Variants in COL2A1 observed in about 807,000 individuals in gnomAD.
COL2A1 encodes collagen alpha-1(II) chain.
COL2A1 carries 28 observed loss-of-function variants against 204.5 expected under a neutral mutation model. That is an observed-to-expected ratio of 0.14 (90% CI 0.10 to 0.19). The LOEUF (loss-of-function observed/expected upper bound fraction) is 0.19. COL2A1 is among the 10% of genes least tolerant of loss of function. COL2A1 has a pLI of 1.00. For missense variants in COL2A1, 1,388 were observed against 2,027.5 expected, an observed-to-expected ratio of 0.68 and a Z score of 6.06; for synonymous variants, 708 against 718.7, an observed-to-expected ratio of 0.99 and a Z score of 0.24.
At chr12:47,995,843 C>T (rs906636059) in intron 9 of COL2A1, 32 bp downstream of exon 9, 28 of 1,609,950 alleles carry the variant, frequency 1.7e-5, no homozygotes, top group Middle Eastern at 1.6e-4. Context: ...ATCTGCGACA[C>T]GATGGAGGCA....
chr12:47,991,045 T>C (rs1455214500), intron 16 of COL2A1, among the ~76,000 whole-genome samples: 1 of 152,248 alleles, frequency 6.6e-6, no homozygotes, highest in Non-Finnish European at 1.5e-5. Context: ...ACGGAGACTC[T>C]CCAGATTGGC....
chr12:47,985,886 A>G (rs1184235431), intron 24 of COL2A1, 26 bp downstream of exon 24: 2 of 1,559,922 alleles, frequency 1.3e-6, no homozygotes, highest in Admixed American at 3.8e-5. Flanking sequence ...GCAGGGAGGG[A>G]CCCCAGCCCC....
At chr12:47,995,108 G>C (rs942231831) in intron 11 of COL2A1, 147 bp downstream of exon 11, 2 of 713,208 alleles carry the variant, frequency 2.8e-6, no homozygotes, top group East Asian at 5.1e-5. Flanking sequence ...ATATAGATAG[G>C]AGATGGCGTC....
rs1938993435 is a variant in COL2A1 at position 47,980,486 on chromosome 12, G to T, written c.2625+68C>A. On this transcript the variant is annotated intron_variant, in intron 39 of 53. Coordinates refer to ENST00000380518, the MANE Select transcript of COL2A1 (RefSeq NM_001844.5). The surrounding 1 kb of genome is among the most constrained non-coding windows in gnomAD (Gnocchi z 4.5). ...AACCATCCTCTGCGCAGCCTGCTGGGGCCTTCCCATCTGCACGCCAGGAGC... is the reference window on the plus strand; with the variant it reads ...AACCATCCTCTGCGCAGCCTGCTGGTGCCTTCCCATCTGCACGCCAGGAGC... 1 of 1,383,518 alleles carries T rather than the reference G, an allele frequency of 7.2e-7. No individual in the cohort carries two copies. Among genetic ancestry groups the T allele is most frequent in the African/African-American group, 1.4e-5 (1 of 70,026 alleles). The allele number at this position is 1,383,518 out of a possible 1,614,324, so 85.7% of individuals were successfully genotyped here.
At chr12:48,003,395 A>G (rs1349444527) in intron 1 of COL2A1, among the ~76,000 whole-genome samples, 1 of 152,014 alleles carries the variant, frequency 6.6e-6, no homozygotes, top group African/African-American at 2.4e-5. Context: ...AACTCATTGT[A>G]GTACCTCGGG....
At chr12:47,977,919 C>T in intron 44 of COL2A1, 91 bp downstream of exon 44, 1 of 1,264,814 alleles carries the variant, frequency 7.9e-7, no homozygotes, top group Non-Finnish European at 1.1e-6. Flanking sequence ...CTCCAGGGCC[C>T]TGACTGGGAC....
chr12:47,986,552 G>GT (rs139580012), intron 22 of COL2A1, 109 bp from the exon 23 acceptor site: 15 of 778,112 alleles, frequency 1.9e-5, no homozygotes, highest in South Asian at 9.5e-5. Context: ...CAGGGCTGGG[G>GT]GGGGGCTTGA....
chr12:47,988,750 C>G (rs1221874078), intron 18 of COL2A1, among the ~76,000 whole-genome samples: 2 of 152,254 alleles, frequency 1.3e-5, no homozygotes, highest in Non-Finnish European at 2.9e-5. Flanking sequence ...CCAGAGAACT[C>G]CGTTAACATG....
At chr12:47,975,282 T>C (rs1400357571) in intron 51 of COL2A1, 35 bp downstream of exon 51, 1 of 1,611,780 alleles carries the variant, frequency 6.2e-7, no homozygotes, top group African/African-American at 1.3e-5. Context: ...GACTCCCTGC[T>C]TCCCGGGGCA....
At chr12:47,986,236 G>T in intron 23 of COL2A1, 100 bp downstream of exon 23, 4 of 880,150 alleles carry the variant, frequency 4.5e-6, no homozygotes, top group South Asian at 1.4e-5. Flanking sequence ...GATGACATGC[G>T]GAAAAGTCAC....
chr12:47,987,052 A>AC lies in COL2A1; in HGVS notation c.1365+25dup, dbSNP rs1311071178. 1.2e-6 allele frequency: 2 copies of AC among 1,607,856 alleles called. No individual in the cohort carries two copies. Among genetic ancestry groups the AC allele is most frequent in the Non-Finnish European group, 1.7e-6 (2 of 1,174,318 alleles). ...GTTTGACTCCAGAGATGTCAGTGGA[A>AC]CTTGGGGGTCACTTTGGGCTCTTAC... is the stretch of plus-strand genomic sequence containing the variant. On this transcript the variant is annotated intron_variant, in intron 21 of 53. Transcript: ENST00000380518. The surrounding 1 kb of genome is among the most constrained non-coding windows in gnomAD (Gnocchi z 4.1).
At chr12:47,982,388 A>G in intron 34 of COL2A1, 114 bp downstream of exon 34, 5 of 931,516 alleles carry the variant, frequency 5.4e-6, no homozygotes, top group Admixed American at 3.8e-5. Flanking sequence ...CTCCTCAAAA[A>G]GGGCTAACAG....
At chr12:47,989,938 G>T in intron 16 of COL2A1, 133 bp from the exon 17 acceptor site, 1 of 822,336 alleles carries the variant, frequency 1.2e-6, no homozygotes, top group East Asian at 2.5e-5. Context: ...AGGATGGCGA[G>T]GTGTGGGCTG....
chr12:47,987,284 T>G lies in COL2A1; in HGVS notation c.1251A>C (p.Gly417=). The G allele has an allele frequency of 6.2e-7, 1 of 1,614,000 alleles. No individual in the cohort carries two copies. The highest frequency in any genetic ancestry group is 1.7e-5 in the Admixed American group (1 of 60,010). ...SGNPGTDGIP[G]AKGSAGAPGI... ...CAACACTCACAGCAGATCCTTTGGC[T>G]CCAGGAATTCCATCTGTTCCAGGGT... Residue 417 remains glycine (G), a synonymous_variant, in exon 20 of 54, where the codon GGA becomes GGC. Transcript: ENST00000380518. The surrounding 1 kb of genome is among the most constrained non-coding windows in gnomAD (Gnocchi z 4.1).
intron 8 of COL2A1, 146 bp from the exon 9 acceptor site, chr12:47,996,065 T>G: frequency 1.5e-6 from 1 of 683,508 alleles, no homozygotes; most frequent in Non-Finnish European, 2.6e-6. Context: ...TCCCTCTCAT[T>G]TCCCACTCCC....
chr12:47,984,052 C>T (rs766294730), intron 29 of COL2A1, 35 bp downstream of exon 29: 2 of 1,598,686 alleles, frequency 1.3e-6, no homozygotes, highest in East Asian at 4.5e-5. Context: ...GCCCCTGCCC[C>T]CAGGGCCACC....
rs1938864700 is a variant in COL2A1 at position 47,978,634 on chromosome 12, G to T, written c.2858C>A (p.Pro953His). The T allele has an allele frequency of 6.2e-7, 1 of 1,613,564 alleles. No individual in the cohort carries two copies. The highest frequency in any genetic ancestry group is 1.3e-5 in the African/African-American group (1 of 75,052). ...EPGLQGPAGP[P>H]GEKGEPGDDG... ...ATCTCCAGGCTCTCCCTTCTCGCCA[G>T]GGGGTCCAGCAGGACCTTGGAGGCC... Residue 953 changes from proline (P) to histidine (H), a missense_variant, in exon 42 of 54, where the codon CCT becomes CAT. Transcript: ENST00000380518. The surrounding 1 kb of genome is among the most constrained non-coding windows in gnomAD (Gnocchi z 5.5).
In COL2A1 at chr12:47,977,351, G is replaced by A. The variant is rs780101186; in HGVS notation, c.3242C>T (p.Pro1081Leu). Residue 1081 changes from proline to leucine, a missense_variant, in exon 46 of 54, where the codon CCA becomes CTA. By Grantham distance (98) the Pro-to-Leu change is moderately conservative (BLOSUM62 -3). Coordinates refer to ENST00000380518, the MANE Select transcript of COL2A1 (RefSeq NM_001844.5). ...GPPGSPGPAG[P>L]TGKQGDRGEA... Reference sequence around the variant, plus strand: ...TCCTCTGTCTCCTTGCTTGCCAGTTGGACCAGCGGGGCCAGGGGAGCCAGG... The same window carrying A: ...TCCTCTGTCTCCTTGCTTGCCAGTTAGACCAGCGGGGCCAGGGGAGCCAGG... The A allele has an allele frequency of 6.2e-7, 1 of 1,613,616 alleles. No individual in the cohort carries two copies. The highest frequency in any genetic ancestry group is 1.1e-5 in the South Asian group (1 of 91,078).
At position 47,985,978 on chromosome 12, in the gene COL2A1, A is replaced by G. The variant is rs1939380348; in HGVS notation, c.1528-13T>C. 1 of 1,551,372 alleles carries G rather than the reference A, an allele frequency of 6.4e-7. No individual in the cohort carries two copies. Among genetic ancestry groups the G allele is most frequent in the Non-Finnish European group, 8.7e-7 (1 of 1,146,960 alleles). ...TGCCGGGAGCACCCTAAGGAGCCACAGGGAGGAGAGGCAGTGAGTGAGAAC... is the reference window on the plus strand; with the variant it reads ...TGCCGGGAGCACCCTAAGGAGCCACGGGGAGGAGAGGCAGTGAGTGAGAAC... On this transcript the variant is annotated splice_polypyrimidine_tract_variant and intron_variant, in intron 23 of 53. Transcript: ENST00000380518.
Sources: allele counts gnomAD v4.1 joint callset (sites outside exome capture counted in the v4.1 genomes callset), GRCh38; gene constraint gnomAD v4.1.1; non-coding constraint Gnocchi (gnomAD v3.1); transcripts MANE v1.5; gene names NCBI Gene and HGNC (gene_info 2026-07-23, HGNC 2026-07-21).